The following KCNJ6 variants were observed in gnomAD, a reference collection of about 807,000 sequenced individuals.
KCNJ6 encodes potassium inwardly rectifying channel subfamily J member 6, also known as G protein-activated inward rectifier potassium channel 2.
KCNJ6 carries 9 observed loss-of-function variants against 34.2 expected under a neutral mutation model. The ratio of observed to expected loss-of-function variants is 0.26; its 90% CI spans 0.16 to 0.46. KCNJ6 has a LOEUF of 0.46. Among genes scored for constraint, KCNJ6 ranks in the 20% least tolerant of loss-of-function variants. The probability of loss-of-function intolerance (pLI) is 1.00; values close to 1 mark genes in which losing one functional copy is unlikely to be tolerated. For missense variants in KCNJ6, 236 were observed against 531.3 expected (o/e 0.44, Z 5.46); for synonymous variants, 196 against 207.1 (o/e 0.95, Z 0.46).
chr21:37,652,203 G>A (rs925518545), intron 3 of KCNJ6, among the ~76,000 whole-genome samples: 4 of 152,324 alleles, frequency 2.6e-5, no homozygotes, highest in East Asian at 3.9e-4. Flanking sequence ...AGGAGCCCAC[G>A]GAGGAGAGTG....
intron 2 of KCNJ6, among the ~76,000 whole-genome samples, chr21:37,829,064 A>G (rs1290445997): frequency 2.0e-5 from 3 of 151,952 alleles, no homozygotes; most frequent in Admixed American, 2.0e-4. Flanking sequence ...TTCCTCTCCT[A>G]TTGCCCTCTG....
At chr21:37,787,688 G>C (rs2055198773) in intron 2 of KCNJ6, among the ~76,000 whole-genome samples, 1 of 152,176 alleles carries the variant, frequency 6.6e-6, no homozygotes, top group Admixed American at 6.5e-5. Context: ...ACAAGGTGCT[G>C]ACTAATGCCA....
intron 2 of KCNJ6, among the ~76,000 whole-genome samples, chr21:37,751,593 T>A (rs139069847): frequency 7.0e-4 from 106 of 152,370 alleles, no homozygotes; most frequent in Non-Finnish European, 1.2e-3. Context: ...AACTCAGTTG[T>A]CCCGGGATGC....
rs2054264982 is a variant in KCNJ6, at chr21:37,615,896, G to A, written c.*9263C>T. ...AAATGTGACTGGAGTGTGGGCATGA[G>A]TGTGATATGAGGATGATGGCTTGAA... On this transcript the variant is annotated 3_prime_UTR_variant, in exon 4 of 4. Transcript: ENST00000609713. 6.6e-6 allele frequency: 1 copy of A among 152,236 alleles called. No homozygotes were observed. Among genetic ancestry groups the A allele is most frequent in the African/African-American group, 2.4e-5 (1 of 41,458 alleles). The allele number at this position is 152,236 out of a possible 1,614,324, so 9.4% of individuals were successfully genotyped here.
chr21:37,688,253 A>T (rs1404480093), intron 3 of KCNJ6, among the ~76,000 whole-genome samples: 3 of 152,190 alleles, frequency 2.0e-5, no homozygotes, highest in Admixed American at 2.0e-4. Flanking sequence ...TTACCTGCTA[A>T]TTCCTTATTA....
chr21:37,880,217 C>T (rs2055700840), intron 1 of KCNJ6, among the ~76,000 whole-genome samples: 1 of 152,128 alleles, frequency 6.6e-6, no homozygotes, highest in South Asian at 2.1e-4. Context: ...GGAGAGGTTG[C>T]AGTGATCCGA....
At chr21:37,773,154 A>G (rs539610375) in intron 2 of KCNJ6, among the ~76,000 whole-genome samples, 1 of 152,068 alleles carries the variant, frequency 6.6e-6, no homozygotes, top group East Asian at 1.9e-4. Context: ...ATCCTTTTCC[A>G]CTGTTTTCTT....
chr21:37,775,401 T>C (rs1271217796), intron 2 of KCNJ6, among the ~76,000 whole-genome samples: 1 of 152,206 alleles, frequency 6.6e-6, no homozygotes, highest in Non-Finnish European at 1.5e-5. Context: ...TTGCTTTTGG[T>C]GTTTTAGACA....
At chr21:37,722,347 T>C (rs893919339) in intron 2 of KCNJ6, among the ~76,000 whole-genome samples, 2 of 152,180 alleles carry the variant, frequency 1.3e-5, no homozygotes, top group African/African-American at 4.8e-5. Context: ...ATCAATATCA[T>C]TAAAACAGCC....
chr21:37,792,359 T>C (rs2055220964), intron 2 of KCNJ6, among the ~76,000 whole-genome samples: 1 of 152,228 alleles, frequency 6.6e-6, no homozygotes, highest in African/African-American at 2.4e-5. Context: ...CTAATTATTT[T>C]TGTTTCCTTT....
At chr21:37,820,956 G>A (rs1463866180) in intron 2 of KCNJ6, among the ~76,000 whole-genome samples, 2 of 152,144 alleles carry the variant, frequency 1.3e-5, no homozygotes, top group South Asian at 2.1e-4. Flanking sequence ...ACTTAAAAAC[G>A]TTTTAGCTGG....
At chr21:37,739,878 TA>T (rs1442694922) in intron 2 of KCNJ6, among the ~76,000 whole-genome samples, 1 of 151,056 alleles carries the variant, frequency 6.6e-6, no homozygotes, top group Non-Finnish European at 1.5e-5. Flanking sequence ...TTTATTTATT[TA>T]AAAATTTTGG....
At chr21:37,673,369 C>T (rs1209840118) in intron 3 of KCNJ6, among the ~76,000 whole-genome samples, 1 of 152,018 alleles carries the variant, frequency 6.6e-6, no homozygotes, top group Non-Finnish European at 1.5e-5. Context: ...GGCTGGGCTG[C>T]CCCTGTCCCC....
At chr21:37,645,393 C>G (rs1194939284) in intron 3 of KCNJ6, among the ~76,000 whole-genome samples, 2 of 151,854 alleles carry the variant, frequency 1.3e-5, no homozygotes, top group Non-Finnish European at 2.9e-5. Flanking sequence ...AACAAATAAA[C>G]AAAAAAACCA....
At chr21:37,794,436 A>G (rs1171536295) in intron 2 of KCNJ6, among the ~76,000 whole-genome samples, 2 of 152,262 alleles carry the variant, frequency 1.3e-5, no homozygotes, top group African/African-American at 4.8e-5. Context: ...TATGTGAATT[A>G]GGTAAAATAA....
chr21:37,795,151 C>T (rs2055235113), intron 2 of KCNJ6, among the ~76,000 whole-genome samples: 1 of 152,120 alleles, frequency 6.6e-6, no homozygotes, highest in South Asian at 2.1e-4. Flanking sequence ...TTATACTTAG[C>T]CTAAACTAAA....
At chr21:37,809,770 G>A (rs2055313372) in intron 2 of KCNJ6, among the ~76,000 whole-genome samples, 1 of 152,168 alleles carries the variant, frequency 6.6e-6, no homozygotes, top group South Asian at 2.1e-4. Flanking sequence ...TGGTATGTGT[G>A]CTGCTTCTGG....
chr21:37,668,537 T>C lies in KCNJ6; in HGVS notation c.947-43053A>G, dbSNP rs1234070439. Among the ~76,000 whole-genome samples the C allele has an allele frequency of 3.9e-5, 6 of 152,158 alleles. No individual in the cohort carries two copies. In the South Asian group the frequency reaches 8.3e-4, roughly 21 times the overall value. ...ACCTTAATCACTTCTTTAAAGGCCC[T>C]ACCTCCAAATACAGCCACATGCTGA... On this transcript the variant is annotated intron_variant, in intron 3 of 3. Transcript: ENST00000609713.
At chr21:37,837,708 T>C (rs1209137915) in intron 2 of KCNJ6, among the ~76,000 whole-genome samples, 1 of 130,584 alleles carries the variant, frequency 7.7e-6, no homozygotes, top group Non-Finnish European at 1.6e-5. Context: ...TTCATGGTTC[T>C]GTCTGTTTTT....
Sources: allele counts gnomAD v4.1 joint callset (sites outside exome capture counted in the v4.1 genomes callset), GRCh38; gene constraint gnomAD v4.1.1; transcripts MANE v1.5; gene names NCBI Gene and HGNC (gene_info 2026-07-23, HGNC 2026-07-21).